Variants in UBE2D2 observed in about 807,000 individuals in gnomAD.
UBE2D2 encodes the protein ubiquitin conjugating enzyme E2 D2.
A neutral mutation model predicts 24.2 loss-of-function variants in UBE2D2; 2 were observed. That is an observed-to-expected ratio of 0.08 (90% CI 0.03 to 0.26). UBE2D2 has a LOEUF of 0.26. Ranked by LOEUF, UBE2D2 falls within the 10% of genes least tolerant of loss-of-function variation. UBE2D2 has a pLI of 1.00. For missense variants in UBE2D2, 44 were observed against 177.6 expected (o/e 0.25, Z 4.28); for synonymous variants, 58 against 56.5 (o/e 1.03, Z -0.12).
rs547308810 is a variant in UBE2D2 at position 139,623,361 on chromosome 5, A to G, written c.305-7A>G. ...TCTGCTAATTTATATGATTTTTTTC[A>G]TTCTAGTACTCTTGTCCATCTGTTC... On this transcript the variant is annotated splice_region_variant and splice_polypyrimidine_tract_variant and intron_variant, in intron 5 of 6. Transcript: ENST00000398733. The G allele has an allele frequency of 8.3e-6, 13 of 1,560,868 alleles. No homozygotes were observed. The highest frequency in any genetic ancestry group is 1.1e-5 in the Non-Finnish European group (13 of 1,143,346).
At chr5:139,607,427 CA>C (rs1471883323) in intron 2 of UBE2D2, among the ~76,000 whole-genome samples, 1 of 152,098 alleles carries the variant, frequency 6.6e-6, no homozygotes, top group Non-Finnish European at 1.5e-5. Context: ...TTGGTTGCTG[CA>C]TTAGTAATTT....
At chr5:139,584,403 T>G (rs1326308786) in intron 1 of UBE2D2, among the ~76,000 whole-genome samples, 2 of 152,176 alleles carry the variant, frequency 1.3e-5, no homozygotes, top group East Asian at 3.8e-4. Context: ...TTCGTTAAGT[T>G]TAGCATGACT....
intron 1 of UBE2D2, among the ~76,000 whole-genome samples, chr5:139,591,531 T>G (rs535237627): frequency 6.6e-6 from 1 of 152,126 alleles, no homozygotes; most frequent in Non-Finnish European, 1.5e-5. Context: ...CAGGGAGAGA[T>G]TGATATTGAT....
intron 1 of UBE2D2, among the ~76,000 whole-genome samples, chr5:139,567,392 C>T (rs1753251440): frequency 6.6e-6 from 1 of 151,920 alleles, no homozygotes; most frequent in Non-Finnish European, 1.5e-5. Context: ...GACACCGTGC[C>T]CGGCCTTAAG....
At chr5:139,602,091 G>A (rs549347070) in intron 2 of UBE2D2, among the ~76,000 whole-genome samples, 6 of 152,084 alleles carry the variant, frequency 3.9e-5, no homozygotes, top group Admixed American at 3.9e-4. Flanking sequence ...TCACTCTGTT[G>A]CCCGTGCTGG....
At chr5:139,578,787 C>G (rs923649912) in intron 1 of UBE2D2, among the ~76,000 whole-genome samples, 15 of 152,066 alleles carry the variant, frequency 9.9e-5, no homozygotes, top group African/African-American at 3.1e-4. Flanking sequence ...CCCATGGCTG[C>G]AGTATCAGAG....
At chr5:139,544,156 TTTTC>T (rs1752794647) in intron 1 of UBE2D2, among the ~76,000 whole-genome samples, 1 of 148,154 alleles carries the variant, frequency 6.7e-6, no homozygotes, top group Non-Finnish European at 1.5e-5. Context: ...TCTAGATCTT[TTTTC>T]TTTCTTTCTT....
chr5:139,555,986 C>A (rs1280214050), intron 1 of UBE2D2, among the ~76,000 whole-genome samples: 1 of 148,602 alleles, frequency 6.7e-6, no homozygotes, highest in Non-Finnish European at 1.5e-5. Context: ...CCTGTAATCC[C>A]AGCACTTCGG....
rs575694958 is a variant in UBE2D2, at chr5:139,623,515, C to T, written c.398+54C>T. 6 of 1,457,574 alleles carry T rather than the reference C, an allele frequency of 4.1e-6. No homozygotes were observed. In the South Asian group the frequency reaches 7.1e-5, roughly 17 times the overall value. 90.3% of individuals were successfully genotyped at this position (1,457,574 alleles called of 1,614,324 possible). ...TCTGTGGTGGGATGGAGATGTTTGT[C>T]ACAAATCTTTCTTGTTTAAGGGCTG... On this transcript the variant is annotated intron_variant, in intron 6 of 6. Transcript: ENST00000398733.
chr5:139,573,162 CGTG>C (rs552287583), intron 1 of UBE2D2, among the ~76,000 whole-genome samples: 1,556 of 151,672 alleles, frequency 0.01, 23 homozygotes, highest in African/African-American at 0.035. Flanking sequence ...ATTAGCCAGA[CGTG>C]GTGGTGGGCA....
chr5:139,598,552 CTTTTTTT>C (rs746165110), intron 1 of UBE2D2, among the ~76,000 whole-genome samples: 1 of 104,952 alleles, frequency 9.5e-6, no homozygotes, highest in African/African-American at 4.1e-5. Context: ...ACTACAAAGC[CTTTTTTT>C]TTTTTTTTTT....
At chr5:139,567,536 T>TTG (rs1334700969) in intron 1 of UBE2D2, among the ~76,000 whole-genome samples, 6 of 145,466 alleles carry the variant, frequency 4.1e-5, no homozygotes, top group African/African-American at 1.6e-4. Context: ...TAAGTTTTTT[T>TTG]TTTTTTTTTT....
At chr5:139,594,296 C>G (rs957137887) in intron 1 of UBE2D2, among the ~76,000 whole-genome samples, 8 of 152,122 alleles carry the variant, frequency 5.3e-5, no homozygotes, top group Non-Finnish European at 1.2e-4. Context: ...TGAAGGATGC[C>G]TTCCCCTCAA....
chr5:139,592,665 C>T (rs1344976637), intron 1 of UBE2D2, among the ~76,000 whole-genome samples: 1 of 145,540 alleles, frequency 6.9e-6, no homozygotes, highest in Non-Finnish European at 1.5e-5. Context: ...TGCAGTGGCA[C>T]GACCTCGGCT....
At chr5:139,558,855 C>A (rs527292048), upstream of UBE2D2, among the ~76,000 whole-genome samples, 2 of 151,604 alleles carry the variant, frequency 1.3e-5, no homozygotes, top group South Asian at 4.2e-4. Context: ...ACCTGAGGTG[C>A]AGTGGAACCA....
chr5:139,605,911 A>T (rs552966376), intron 2 of UBE2D2, among the ~76,000 whole-genome samples: 26 of 126,490 alleles, frequency 2.1e-4, no homozygotes, highest in Admixed American at 8.5e-4. Flanking sequence ...TGGCTAATTT[A>T]AAAAAAAAAA....
At chr5:139,553,475 A>G (rs1752945871) in intron 1 of UBE2D2, among the ~76,000 whole-genome samples, 1 of 152,124 alleles carries the variant, frequency 6.6e-6, no homozygotes, top group Admixed American at 6.6e-5. Flanking sequence ...CTGTGGGAAC[A>G]CCTTTGCCAA....
chr5:139,580,032 C>T (rs547263941), intron 1 of UBE2D2, among the ~76,000 whole-genome samples: 38 of 148,632 alleles, frequency 2.6e-4, no homozygotes, highest in Admixed American at 4.7e-4. Flanking sequence ...GGCAACAGAG[C>T]GAGACTCCCT....
chr5:139,624,908 A>G (rs979779958), intron 6 of UBE2D2, among the ~76,000 whole-genome samples: 3 of 152,152 alleles, frequency 2.0e-5, no homozygotes, highest in African/African-American at 7.2e-5. Flanking sequence ...TTTATTGTCA[A>G]ATTTTTTTGA....
Sources: allele counts gnomAD v4.1 joint callset (sites outside exome capture counted in the v4.1 genomes callset), GRCh38; gene constraint gnomAD v4.1.1; transcripts MANE v1.5; gene names NCBI Gene and HGNC (gene_info 2026-07-23, HGNC 2026-07-21).